The following PWWP3A variants were observed in gnomAD, a reference collection of about 807,000 sequenced individuals.
PWWP3A encodes the protein PWWP domain containing 3A, DNA repair factor.
A neutral mutation model predicts 79.0 loss-of-function variants in PWWP3A; 53 were observed. The ratio of observed to expected loss-of-function variants is 0.67; its 90% CI spans 0.54 to 0.84. PWWP3A has a LOEUF of 0.84. Ranked by LOEUF, PWWP3A falls within the 40% of genes least tolerant of loss-of-function variation. The pLI, the probability that PWWP3A is intolerant of heterozygous loss-of-function variation, is 0.00. For missense variants in PWWP3A, 973 were observed against 948.0 expected (o/e 1.03, Z -0.35); for synonymous variants, 443 against 394.4 (o/e 1.12, Z -1.46).
intron 7 of PWWP3A, among the ~76,000 whole-genome samples, chr19:1,365,115 G>T (rs748530682): frequency 3.3e-5 from 5 of 152,210 alleles, no homozygotes; most frequent in Non-Finnish European, 7.3e-5. Flanking sequence ...GTGAGACTCC[G>T]TCTCCGGGGG....
chr19:1,370,688 G>C lies in PWWP3A; in HGVS notation c.1596G>C (p.Lys532Asn), dbSNP rs1293409101. 2.1e-6 allele frequency: 3 copies of C among 1,453,276 alleles called. No individual in the cohort carries two copies. Among genetic ancestry groups the C allele is most frequent in the African/African-American group, 2.9e-5 (2 of 69,764 alleles). 90.0% of individuals were successfully genotyped at this position (1,453,276 alleles called of 1,614,324 possible). The change falls in exon 12 of 14, where the codon AAG becomes AAC. Residue 532 changes from lysine to asparagine, a missense_variant. Transcript: ENST00000591337. ...TCCAGCAGGACGTCTTGGGGACCAA[G>C]CTTCCTCAACTGAGCAAGGGGAGCC... ...KSIQQDVLGT[K>N]LPQLSKGSPE...
Position 1,376,675 on chromosome 19 carries a change from C to T in PWWP3A, c.*99C>T. 1 of 1,172,226 alleles carries T rather than the reference C, an allele frequency of 8.5e-7. No homozygotes were observed. Among genetic ancestry groups the T allele is most frequent in the Non-Finnish European group, 1.3e-6 (1 of 797,514 alleles). 72.6% of individuals were successfully genotyped at this position (1,172,226 alleles called of 1,614,324 possible). On this transcript the variant is annotated 3_prime_UTR_variant, in exon 14 of 14. Transcript: ENST00000591337. ...ATGGGGGGCTCAGGGGGCACGTTTGCGTTTGGACCTGTCTGTGCGTTCTCC... is the reference window on the plus strand; with the variant it reads ...ATGGGGGGCTCAGGGGGCACGTTTGTGTTTGGACCTGTCTGTGCGTTCTCC...
chr19:1,372,750 CTG>C (rs1172628941), intron 12 of PWWP3A: 5 of 257,004 alleles, frequency 1.9e-5, no homozygotes, highest in Non-Finnish European at 3.7e-5. Flanking sequence ...GGGCGAGACT[CTG>C]TACCAGAAAA....
chr19:1,359,977 T>G, intron 4 of PWWP3A, 159 bp from the exon 5 acceptor site: 1 of 710,140 alleles, frequency 1.4e-6, no homozygotes, highest in Non-Finnish European at 2.1e-6. Flanking sequence ...TCGTCTCCTT[T>G]TTGGGAAAAT....
Position 1,366,179 on chromosome 19 carries a change from TCGC to T in PWWP3A, c.1285-125_1285-123del. 23 of 780,570 alleles carry T rather than the reference TCGC, an allele frequency of 2.9e-5. 1 individual carries two copies. The highest frequency in any genetic ancestry group is 4.6e-5 in the Non-Finnish European group (22 of 476,872). The allele number at this position is 780,570 out of a possible 1,614,324, so 48.4% of individuals were successfully genotyped here. Reference sequence around the variant, plus strand: ...TCTCAGCGCCTCCTTGCGGGAGACTTCGCTGGGGTCACCCCCAGAGCTGGGGTC... The same window carrying T: ...TCTCAGCGCCTCCTTGCGGGAGACTTTGGGGTCACCCCCAGAGCTGGGGTC... On this transcript the variant is annotated intron_variant, in intron 7 of 13. Coordinates refer to ENST00000591337, the MANE Select transcript of PWWP3A (RefSeq NM_001369789.1).
chr19:1,356,912 C>G, intron 2 of PWWP3A, 97 bp from the exon 3 acceptor site: 2 of 874,210 alleles, frequency 2.3e-6, no homozygotes, highest in Non-Finnish European at 1.8e-6. Context: ...TGGTTATAGG[C>G]CTTCAGGATT....
intron 12 of PWWP3A, chr19:1,371,519 G>A: frequency 1.6e-6 from 1 of 636,490 alleles, no homozygotes; most frequent in East Asian, 2.7e-5. Flanking sequence ...ATAAACCCGT[G>A]GTAAGTTAAA....
At chr19:1,355,612 C>A (rs1432107017) in intron 1 of PWWP3A, among the ~76,000 whole-genome samples, 1 of 144,554 alleles carries the variant, frequency 6.9e-6, no homozygotes, top group East Asian at 2.1e-4. Flanking sequence ...TGCCTGAATC[C>A]CCCGTTCCTG....
At chr19:1,374,701 G>A (rs571075104) in intron 13 of PWWP3A, among the ~76,000 whole-genome samples, 1 of 152,226 alleles carries the variant, frequency 6.6e-6, no homozygotes, top group South Asian at 2.1e-4. Flanking sequence ...TCCTTTACAG[G>A]GAGGTCACTT....
chr19:1,366,654 A>G (rs1255789191), intron 8 of PWWP3A, among the ~76,000 whole-genome samples: 1 of 152,252 alleles, frequency 6.6e-6, no homozygotes, highest in South Asian at 2.1e-4. Context: ...AGGCAGCCCA[A>G]CCAGACACTC....
rs185053345 is a variant in PWWP3A, at chr19:1,356,769, C to T, written c.58-240C>T. On this transcript the variant is annotated intron_variant, in intron 2 of 13. Transcript: ENST00000591337. Reference sequence around the variant, plus strand: ...ATGGTCGTGTTCAGGGAATGCTTTCCAGCAATTCAGTAGACAGTGCTCAGC... The same window carrying T: ...ATGGTCGTGTTCAGGGAATGCTTTCTAGCAATTCAGTAGACAGTGCTCAGC... Among the ~76,000 whole-genome samples the T allele has an allele frequency of 8.5e-5, 13 of 152,230 alleles. No individual in the cohort carries two copies. In the East Asian group the frequency reaches 2.5e-3, roughly 29 times the overall value.
intron 13 of PWWP3A, among the ~76,000 whole-genome samples, chr19:1,375,897 G>T (rs1312489798): frequency 8.0e-6 from 1 of 125,464 alleles, no homozygotes; most frequent in Non-Finnish European, 1.7e-5. Flanking sequence ...CCCCCCCACC[G>T]TGCCTTGGTT....
intron 9 of PWWP3A, among the ~76,000 whole-genome samples, 179 bp downstream of exon 9, chr19:1,367,399 C>T (rs1408677352): frequency 2.6e-5 from 4 of 152,230 alleles, no homozygotes; most frequent in African/African-American, 4.8e-5. Context: ...TCAGTCACTG[C>T]GCTGAATTCT....
chr19:1,370,253 C>T (rs566980690), intron 11 of PWWP3A, among the ~76,000 whole-genome samples: 3 of 152,242 alleles, frequency 2.0e-5, no homozygotes, highest in South Asian at 2.1e-4. Flanking sequence ...GAACGTGTCA[C>T]GAACACCGGG....
intron 5 of PWWP3A, among the ~76,000 whole-genome samples, 187 bp downstream of exon 5, chr19:1,361,219 C>T (rs1600103064): frequency 6.6e-6 from 1 of 152,222 alleles, no homozygotes; most frequent in African/African-American, 2.4e-5. Flanking sequence ...ATTGCTTCAA[C>T]TTCTAAATAT....
chr19:1,377,726 G>C lies in PWWP3A; in HGVS notation c.*1150G>C, dbSNP rs1271078484. 6.6e-6 allele frequency: 1 copy of C among 152,456 alleles called. No homozygotes were observed. Among genetic ancestry groups the C allele is most frequent in the Non-Finnish European group, 1.5e-5 (1 of 68,230 alleles). The allele number at this position is 152,456 out of a possible 1,614,324, so 9.4% of individuals were successfully genotyped here. A position where few individuals can be genotyped will look rare whatever the true frequency, so the allele number is the denominator to read the frequency against. On this transcript the variant is annotated 3_prime_UTR_variant, in exon 14 of 14. Coordinates refer to ENST00000591337, the MANE Select transcript of PWWP3A (RefSeq NM_001369789.1). Reference sequence around the variant, plus strand: ...CACAGCAGTGCTGGTGACATGTCCAGGGTTCCAGGGCCCGGTGGCCTGGGA... The same window carrying C: ...CACAGCAGTGCTGGTGACATGTCCACGGTTCCAGGGCCCGGTGGCCTGGGA...
At chr19:1,356,070 G>A (rs1051325453) in intron 1 of PWWP3A, among the ~76,000 whole-genome samples, 3 of 152,150 alleles carry the variant, frequency 2.0e-5, no homozygotes, top group East Asian at 1.9e-4. Flanking sequence ...TTTTAAAACT[G>A]ATCTAGATAG....
At chr19:1,367,566 C>T (rs989444229) in intron 9 of PWWP3A, among the ~76,000 whole-genome samples, 2 of 152,250 alleles carry the variant, frequency 1.3e-5, no homozygotes, top group African/African-American at 2.4e-5. Flanking sequence ...TGTCTCAGTC[C>T]ACCCCATGTC....
chr19:1,370,795 G>A lies in PWWP3A; in HGVS notation c.1703G>A (p.Arg568Gln), dbSNP rs369588447. The part of the protein sequence containing the change: ...KMLPDRSRAA[R>Q]DRANQKLVEY... Reference sequence around the variant, plus strand: ...CTCCCCGACCGCTCGCGGGCCGCCCGGGACCGGGCCAACCAGAAGCTGGTG... The same window carrying A: ...CTCCCCGACCGCTCGCGGGCCGCCCAGGACCGGGCCAACCAGAAGCTGGTG... The change falls in exon 12 of 14, where the codon CGG (arginine) becomes CAG (glutamine). Residue 568 changes from arginine to glutamine, a missense_variant. Physicochemically the swap from Arg to Gln is conservative, Grantham distance 43. Coordinates refer to ENST00000591337, the MANE Select transcript of PWWP3A (RefSeq NM_001369789.1). 2.1e-5 allele frequency: 32 copies of A among 1,555,978 alleles called. No homozygotes were observed. Among genetic ancestry groups the A allele is most frequent in the East Asian group, 4.7e-5 (2 of 42,106 alleles).
Sources: allele counts gnomAD v4.1 joint callset (sites outside exome capture counted in the v4.1 genomes callset), GRCh38; gene constraint gnomAD v4.1.1; transcripts MANE v1.5; gene names NCBI Gene and HGNC (gene_info 2026-07-23, HGNC 2026-07-21).